SAMD4A: variants seen among roughly 807,000 people sequenced by gnomAD.
SAMD4A encodes protein Smaug homolog 1.
SAMD4A carries 33 observed loss-of-function variants against 81.3 expected under a neutral mutation model. The observed-to-expected ratio is 0.41, with a 90% CI of 0.31 to 0.54. The LOEUF (loss-of-function observed/expected upper bound fraction) is 0.54, where lower values mean the gene tolerates loss of function less well. Among genes scored for constraint, SAMD4A ranks in the 20% least tolerant of loss-of-function variants. The pLI, the probability that SAMD4A is intolerant of heterozygous loss-of-function variation, is 0.37. For missense variants in SAMD4A, 854 were observed against 951.1 expected, an observed-to-expected ratio of 0.90 and a Z score of 1.34; for synonymous variants, 389 against 382.1, an observed-to-expected ratio of 1.02 and a Z score of -0.21.
intron 2 of SAMD4A, among the ~76,000 whole-genome samples, chr14:54,624,031 G>A (rs2358883): frequency 0.76 from 114,851 of 151,982 alleles, 43,522 homozygotes; most frequent in East Asian, 0.88. Context: ...GCTGGAGTGC[G>A]GTGGCGCGAT....
At chr14:54,687,224 A>C (rs2036295824) in intron 2 of SAMD4A, 1 of 391,296 alleles carries the variant, frequency 2.6e-6, no homozygotes, top group Non-Finnish European at 5.0e-6. Flanking sequence ...TCTTAATGTC[A>C]TCTTGCAAAA....
At chr14:54,641,778 A>T (rs1397627149) in intron 2 of SAMD4A, among the ~76,000 whole-genome samples, 1 of 152,126 alleles carries the variant, frequency 6.6e-6, no homozygotes, top group Non-Finnish European at 1.5e-5. Context: ...GCTTTTATCA[A>T]GAAGTCAGTA....
At chr14:54,770,363 G>A in intron 9 of SAMD4A, 141 bp downstream of exon 9, 1 of 650,038 alleles carries the variant, frequency 1.5e-6, no homozygotes, top group African/African-American at 1.8e-5. Context: ...AAATTGCATT[G>A]CTTAAACAGG....
chr14:54,777,205 C>A (rs977961247), intron 11 of SAMD4A, among the ~76,000 whole-genome samples: 4 of 151,960 alleles, frequency 2.6e-5, no homozygotes, highest in Non-Finnish European at 4.4e-5. Flanking sequence ...GGACCCCCCC[C>A]CACCCCCACT....
intron 12 of SAMD4A, among the ~76,000 whole-genome samples, chr14:54,785,948 C>T (rs1017498017): frequency 2.6e-5 from 4 of 152,222 alleles, no homozygotes; most frequent in South Asian, 4.1e-4. Context: ...CGAGCCACTG[C>T]TCTCTGCCTT....
At chr14:54,782,912 A>C (rs944273644) in intron 11 of SAMD4A, among the ~76,000 whole-genome samples, 1 of 152,164 alleles carries the variant, frequency 6.6e-6, no homozygotes, top group Non-Finnish European at 1.5e-5. Context: ...CCCTTGGTGG[A>C]GACATGAAGG....
intron 3 of SAMD4A, among the ~76,000 whole-genome samples, chr14:54,720,562 GCCT>G (rs1210195200): frequency 3.3e-5 from 5 of 152,084 alleles, no homozygotes; most frequent in African/African-American, 1.2e-4. Flanking sequence ...CCCATTACCA[GCCT>G]CCTCCTGAGG....
chr14:54,766,381 G>A (rs2038543966), intron 8 of SAMD4A, among the ~76,000 whole-genome samples: 1 of 152,142 alleles, frequency 6.6e-6, no homozygotes, highest in Admixed American at 6.5e-5. Context: ...AGTGAGAGAA[G>A]GGGTGAGACA....
intron 2 of SAMD4A, among the ~76,000 whole-genome samples, chr14:54,606,783 T>C (rs1489910807): frequency 6.6e-6 from 1 of 152,218 alleles, no homozygotes; most frequent in African/African-American, 2.4e-5. Context: ...CCCCCTCCTT[T>C]AGTTTGGTGG....
chr14:54,719,416 C>G (rs1044650638), intron 3 of SAMD4A, among the ~76,000 whole-genome samples: 2 of 152,154 alleles, frequency 1.3e-5, no homozygotes, highest in African/African-American at 4.8e-5. Context: ...CTGACTTTCC[C>G]AAATTGTTCC....
At chr14:54,571,110 C>T (rs1039511323) in intron 2 of SAMD4A, among the ~76,000 whole-genome samples, 18 of 152,222 alleles carry the variant, frequency 1.2e-4, no homozygotes, top group African/African-American at 3.9e-4. Context: ...AGATATCCTG[C>T]GCATTAAACA....
chr14:54,694,744 G>A (rs1020529326), intron 2 of SAMD4A: 1 of 985,402 alleles, frequency 1.0e-6, no homozygotes, highest in Non-Finnish European at 1.2e-6. Context: ...GAAATCTGAA[G>A]GTGAATCCTA....
intron 2 of SAMD4A, among the ~76,000 whole-genome samples, chr14:54,618,571 A>G (rs1345255818): frequency 6.6e-6 from 1 of 152,332 alleles, no homozygotes; most frequent in Admixed American, 6.5e-5. Context: ...TGAAGAATTT[A>G]AGTCAAGTTT....
At chr14:54,770,392 G>A (rs1373141769) in intron 9 of SAMD4A, among the ~76,000 whole-genome samples, 170 bp downstream of exon 9, 1 of 152,254 alleles carries the variant, frequency 6.6e-6, no homozygotes, top group African/African-American at 2.4e-5. Context: ...GGAAAAGGCT[G>A]TGAGAGTGAG....
At chr14:54,614,171 A>G (rs2034435237) in intron 2 of SAMD4A, among the ~76,000 whole-genome samples, 1 of 152,262 alleles carries the variant, frequency 6.6e-6, no homozygotes, top group Admixed American at 6.5e-5. Context: ...AGAGTTTTGT[A>G]AAAATTTAAA....
chr14:54,774,072 A>C (rs536064989), intron 9 of SAMD4A, among the ~76,000 whole-genome samples: 1 of 152,302 alleles, frequency 6.6e-6, no homozygotes, highest in African/African-American at 2.4e-5. Context: ...AAAGCATGTG[A>C]GTGTTCAAGA....
intron 2 of SAMD4A, among the ~76,000 whole-genome samples, chr14:54,687,605 G>GCT (rs879599239): frequency 0.34 from 51,280 of 151,974 alleles, 10,079 homozygotes; most frequent in Non-Finnish European, 0.44. Context: ...GTTAGGAATA[G>GCT]AAGGTGTGTG....
At chr14:54,680,596 A>C (rs1285231985) in intron 2 of SAMD4A, among the ~76,000 whole-genome samples, 5 of 152,264 alleles carry the variant, frequency 3.3e-5, no homozygotes, top group African/African-American at 9.6e-5. Context: ...AGTGACTATT[A>C]GTTGAAACAA....
At chr14:54,595,632 T>G (rs1483520526) in intron 2 of SAMD4A, among the ~76,000 whole-genome samples, 1 of 152,068 alleles carries the variant, frequency 6.6e-6, no homozygotes, top group African/African-American at 2.4e-5. Context: ...GATACTTAGA[T>G]ATTTAGATAC....
Sources: allele counts gnomAD v4.1 joint callset (sites outside exome capture counted in the v4.1 genomes callset), GRCh38; gene constraint gnomAD v4.1.1; transcripts MANE v1.5; gene names NCBI Gene and HGNC (gene_info 2026-07-23, HGNC 2026-07-21).